The following AKAP19 variants were observed in gnomAD, a reference collection of about 807,000 sequenced individuals.
AKAP19 encodes small A-kinase anchoring protein.
the AKAP19 span, among the ~76,000 whole-genome samples, chr2:190,130,043 G>C: frequency 6.6e-6 from 1 of 152,110 alleles, no homozygotes; most frequent in Non-Finnish European, 1.5e-5. Flanking sequence ...TGTTACAACA[G>C]GAATAGACTT....
At chr2:189,903,420 G>A in the AKAP19 span, among the ~76,000 whole-genome samples, 1 of 151,826 alleles carries the variant, frequency 6.6e-6, no homozygotes, top group African/African-American at 2.4e-5. Context: ...CTTAGAACAA[G>A]GCAAGGTCTT....
At chr2:190,042,706 TATTAAC>T in the AKAP19 span, among the ~76,000 whole-genome samples, 1 of 152,212 alleles carries the variant, frequency 6.6e-6, no homozygotes, top group African/African-American at 2.4e-5. Context: ...TAATAGTGGC[TATTAAC>T]ATTAAGACCT....
the AKAP19 span, among the ~76,000 whole-genome samples, chr2:190,026,922 A>G: frequency 1.3e-5 from 2 of 152,232 alleles, no homozygotes; most frequent in African/African-American, 4.8e-5. Context: ...GCACACTGGC[A>G]TACTGTTGTA....
the AKAP19 span, among the ~76,000 whole-genome samples, chr2:190,190,522 C>T: frequency 6.6e-6 from 1 of 152,142 alleles, no homozygotes; most frequent in East Asian, 1.9e-4. Flanking sequence ...TATTGGTATA[C>T]AGATTTTTAA....
the AKAP19 span, among the ~76,000 whole-genome samples, chr2:190,158,615 C>A: frequency 5.8e-4 from 88 of 152,280 alleles, no homozygotes; most frequent in African/African-American, 2.0e-3. Context: ...CATAGTATCA[C>A]GTTATCATTT....
the AKAP19 span, among the ~76,000 whole-genome samples, chr2:190,021,434 G>C: frequency 6.6e-6 from 1 of 152,316 alleles, no homozygotes; most frequent in South Asian, 2.1e-4. Flanking sequence ...TGGTGTTAGA[G>C]TTATGCTTAG....
chr2:189,947,556 G>A, the AKAP19 span, among the ~76,000 whole-genome samples: 6 of 151,958 alleles, frequency 3.9e-5, no homozygotes, highest in East Asian at 5.8e-4. Flanking sequence ...TGTGATCTTG[G>A]GCTAGCTGCA....
At chr2:190,187,134 A>G in the AKAP19 span, among the ~76,000 whole-genome samples, 2 of 152,130 alleles carry the variant, frequency 1.3e-5, no homozygotes, top group African/African-American at 4.8e-5. Flanking sequence ...AATCACATCT[A>G]CACTGAAATT....
chr2:189,985,070 C>A, the AKAP19 span, among the ~76,000 whole-genome samples: 1 of 152,192 alleles, frequency 6.6e-6, no homozygotes, highest in Non-Finnish European at 1.5e-5. Context: ...AACAGTTTGG[C>A]AGTTTGGCAG....
chr2:189,949,516 A>T, the AKAP19 span, among the ~76,000 whole-genome samples: 1 of 151,934 alleles, frequency 6.6e-6, no homozygotes, highest in Non-Finnish European at 1.5e-5. Context: ...AAGAAAAAAA[A>T]AAAGGAAAAA....
chr2:189,903,669 G>A, the AKAP19 span, among the ~76,000 whole-genome samples: 10 of 151,960 alleles, frequency 6.6e-5, no homozygotes, highest in Non-Finnish European at 1.0e-4. Context: ...TAGATACAGG[G>A]GGTATATGTG....
the AKAP19 span, among the ~76,000 whole-genome samples, chr2:190,051,822 T>TTTTATTTATTTATTTA: frequency 2.3e-4 from 35 of 149,660 alleles, no homozygotes; most frequent in East Asian, 1.2e-3. Context: ...TTTTTTTATT[T>TTTTATTTATTTATTTA]TTTATTTATT....
At chr2:189,985,260 G>T in the AKAP19 span, among the ~76,000 whole-genome samples, 8 of 152,228 alleles carry the variant, frequency 5.3e-5, no homozygotes, top group African/African-American at 1.9e-4. Flanking sequence ...TACAGAGCTT[G>T]TCCATTCACT....
chr2:190,193,223 ATTTTT>A, the AKAP19 span, among the ~76,000 whole-genome samples: 1 of 151,780 alleles, frequency 6.6e-6, no homozygotes, highest in Admixed American at 6.6e-5. Flanking sequence ...TGATCATCTG[ATTTTT>A]TTTATGTTAA....
At chr2:190,175,274 G>A in the AKAP19 span, among the ~76,000 whole-genome samples, 2 of 152,196 alleles carry the variant, frequency 1.3e-5, no homozygotes, top group Non-Finnish European at 2.9e-5. Flanking sequence ...GATGAGGCTT[G>A]TTTACGGACA....
the AKAP19 span, among the ~76,000 whole-genome samples, chr2:190,125,787 C>T: frequency 6.6e-6 from 1 of 151,908 alleles, no homozygotes; most frequent in Non-Finnish European, 1.5e-5. Flanking sequence ...TAAATGCTTC[C>T]CCACCATACT....
the AKAP19 span, among the ~76,000 whole-genome samples, chr2:190,177,418 A>G: frequency 2.3e-4 from 35 of 152,294 alleles, no homozygotes; most frequent in East Asian, 6.6e-3. The surrounding 1 kb of genome is among the most constrained non-coding windows in gnomAD (Gnocchi z 4.6). Flanking sequence ...CAGAAAACCA[A>G]CTGAGACATT....
chr2:189,885,713 C>A, the AKAP19 span, among the ~76,000 whole-genome samples: 1 of 152,176 alleles, frequency 6.6e-6, no homozygotes, highest in Non-Finnish European at 1.5e-5. Flanking sequence ...GGAAATTCAT[C>A]TGACGTTTTC....
the AKAP19 span, chr2:189,930,724 A>C: frequency 9.6e-6 from 6 of 622,242 alleles, no homozygotes; most frequent in Admixed American, 7.7e-5. Context: ...AACAAAGTCC[A>C]TCATACAGAT....
Sources: gnomAD v4.1 joint callset for allele counts (sites outside exome capture counted in the v4.1 genomes callset) on GRCh38, gnomAD v4.1.1 for gene constraint, Gnocchi (gnomAD v3.1) non-coding constraint, MANE v1.5 for transcripts, NCBI Gene and HGNC (gene_info 2026-07-23, HGNC 2026-07-21) for gene names.